NUDC: variants seen among roughly 807,000 people sequenced by gnomAD.
The protein encoded by NUDC is nuclear distribution C, dynein complex regulator, also known as nuclear migration protein nudC.
A neutral mutation model predicts 45.0 loss-of-function variants in NUDC; 14 were observed. The ratio of observed to expected loss-of-function variants is 0.31; its 90% CI spans 0.21 to 0.49. The LOEUF (loss-of-function observed/expected upper bound fraction) is 0.49. NUDC is among the 20% of genes least tolerant of loss of function. The pLI is 0.99. For synonymous variants in NUDC, 153 were observed against 156.7 expected (o/e 0.98, Z 0.17); for missense variants, 323 against 426.2 (o/e 0.76, Z 2.13).
chr1:26,939,790 G>A (rs2082262782), intron 2 of NUDC, among the ~76,000 whole-genome samples: 1 of 152,160 alleles, frequency 6.6e-6, no homozygotes, highest in Non-Finnish European at 1.5e-5. Context: ...TCTGGAGTGG[G>A]GCTTAAGATT....
At chr1:26,916,925 A>G (rs970726403), upstream of NUDC, among the ~76,000 whole-genome samples, 2 of 152,208 alleles carry the variant, frequency 1.3e-5, no homozygotes, top group Admixed American at 6.5e-5. Context: ...ACTGCACTCT[A>G]GCCTGGGCAA....
At chr1:26,938,196 A>T (rs1337379195) in intron 2 of NUDC, among the ~76,000 whole-genome samples, 1 of 152,182 alleles carries the variant, frequency 6.6e-6, no homozygotes, top group Non-Finnish European at 1.5e-5. Flanking sequence ...CCCTGGGGTT[A>T]TCTGTCTGAG....
chr1:26,925,139 C>G (rs1310634874), intron 2 of NUDC, among the ~76,000 whole-genome samples: 1 of 151,846 alleles, frequency 6.6e-6, no homozygotes, highest in Non-Finnish European at 1.5e-5. Context: ...CCTCGGCCTC[C>G]TAAAGCGCTG....
chr1:26,922,910 C>A (rs894373863), intron 1 of NUDC, among the ~76,000 whole-genome samples: 7 of 152,156 alleles, frequency 4.6e-5, no homozygotes, highest in African/African-American at 1.7e-4. Context: ...CTAAACTGTT[C>A]GCACAAAACT....
chr1:26,921,791 G>A lies in NUDC; in HGVS notation c.-58G>A, dbSNP rs538918243. ...GTTGGGCCCGGCGCGACCCGCAGGA[G>A]CGTAGAGAGCGCGGGACTAGAGTGC... On this transcript the variant is annotated 5_prime_UTR_variant, in exon 1 of 9. Coordinates refer to ENST00000321265, the MANE Select transcript of NUDC (RefSeq NM_006600.4). 8.6e-6 allele frequency: 13 copies of A among 1,516,790 alleles called. No homozygotes were observed. Among genetic ancestry groups the A allele is most frequent in the South Asian group, 3.6e-5 (3 of 83,324 alleles). The allele number at this position is 1,516,790 out of a possible 1,614,324, so 94.0% of individuals were successfully genotyped here.
chr1:26,920,244 C>T (rs1158884902), upstream of NUDC, among the ~76,000 whole-genome samples: 4 of 152,072 alleles, frequency 2.6e-5, no homozygotes, highest in Admixed American at 1.3e-4. Flanking sequence ...AATCCTAGCG[C>T]GTTGCGAGGC....
At chr1:26,925,038 G>C (rs1287751376) in intron 2 of NUDC, among the ~76,000 whole-genome samples, 2 of 148,650 alleles carry the variant, frequency 1.3e-5, no homozygotes, top group Non-Finnish European at 3.0e-5. Context: ...GCGCCACCAT[G>C]CCTGGCTAAT....
intron 2 of NUDC, among the ~76,000 whole-genome samples, chr1:26,927,302 T>C (rs544462632): frequency 3.3e-5 from 5 of 151,452 alleles, no homozygotes; most frequent in Non-Finnish European, 7.4e-5. Flanking sequence ...TGTGTGTGTG[T>C]GTCAGGGTCT....
chr1:26,913,272 G>T, intron 3 of NUDC: 1 of 819,008 alleles, frequency 1.2e-6, no homozygotes, highest in Non-Finnish European at 2.0e-6. Context: ...GGGTGACAGA[G>T]TGAGACTCTG....
At chr1:26,917,230 A>G (rs2082066220), upstream of NUDC, among the ~76,000 whole-genome samples, 1 of 151,634 alleles carries the variant, frequency 6.6e-6, no homozygotes, top group Non-Finnish European at 1.5e-5. Flanking sequence ...TGCACTCCAG[A>G]CTGGGCAACG....
intron 2 of NUDC, among the ~76,000 whole-genome samples, chr1:26,905,718 T>G (rs930602877): frequency 6.6e-6 from 1 of 152,170 alleles, no homozygotes; most frequent in Non-Finnish European, 1.5e-5. Flanking sequence ...CTTGATGGCT[T>G]GCTGCATGCA....
intron 2 of NUDC, among the ~76,000 whole-genome samples, chr1:26,909,048 C>A (rs185777831): frequency 4.5e-4 from 69 of 152,110 alleles, no homozygotes; most frequent in Middle Eastern, 3.4e-3. Flanking sequence ...GATCTCGGCT[C>A]ACTGCAACCT....
rs2081994360 is a variant in NUDC at position 26,904,539 on chromosome 1, C to T, written c.-16+2173C>T. On this transcript the variant is annotated intron_variant, in intron 2 of 6. Coordinates refer to the NUDC transcript ENST00000435827. ...CTGCTGGCCTCAAGCCATCCCCCTG[C>T]CTCAGCCTCCCCAGTAGCTGGGATA... is the stretch of plus-strand genomic sequence containing the variant. Among the ~76,000 whole-genome samples the T allele has an allele frequency of 3.3e-5, 5 of 152,182 alleles. 1 individual carries two copies. The South Asian group carries it at 1.0e-3, about 31-fold the overall frequency.
upstream of NUDC, among the ~76,000 whole-genome samples, chr1:26,920,303 A>G (rs1242578085): frequency 6.6e-6 from 1 of 152,098 alleles, no homozygotes; most frequent in East Asian, 1.9e-4. Flanking sequence ...GAGCCTGGCC[A>G]ACATGGTGAA....
intron 3 of NUDC, among the ~76,000 whole-genome samples, chr1:26,912,282 T>C (rs2082032894): frequency 6.6e-6 from 1 of 152,182 alleles, no homozygotes; most frequent in Admixed American, 6.5e-5. Flanking sequence ...CATCCATTTA[T>C]GAAGAGGCAG....
chr1:26,933,960 C>A (rs2082205139), intron 2 of NUDC, among the ~76,000 whole-genome samples: 1 of 152,116 alleles, frequency 6.6e-6, no homozygotes, highest in Non-Finnish European at 1.5e-5. Flanking sequence ...CAAGAACATC[C>A]TGGCCAACAT....
chr1:26,924,978 T>G (rs2082119425), intron 2 of NUDC, among the ~76,000 whole-genome samples: 2 of 151,588 alleles, frequency 1.3e-5, no homozygotes. Context: ...CCTCCTGGGT[T>G]TAAGTGATTC....
chr1:26,941,059 T>G (rs2124136342), intron 2 of NUDC, among the ~76,000 whole-genome samples: 1 of 151,076 alleles, frequency 6.6e-6, no homozygotes, highest in African/African-American at 2.4e-5. Flanking sequence ...GTAGCTGGGA[T>G]TACAGGCCCC....
intron 3 of NUDC, among the ~76,000 whole-genome samples, chr1:26,915,413 C>T (rs1218381582): frequency 6.6e-6 from 1 of 152,132 alleles, no homozygotes; most frequent in Non-Finnish European, 1.5e-5. Flanking sequence ...CCACGTGGCT[C>T]CTCTGTCCCG....
Sources: allele counts gnomAD v4.1 joint callset (sites outside exome capture counted in the v4.1 genomes callset), GRCh38; gene constraint gnomAD v4.1.1; transcripts MANE v1.5; gene names NCBI Gene and HGNC (gene_info 2026-07-23, HGNC 2026-07-21).